Variants in MAP2K2 observed in about 807,000 individuals in gnomAD.
The protein encoded by MAP2K2 is mitogen-activated protein kinase kinase 2.
MAP2K2 carries 24 observed loss-of-function variants against 43.7 expected under a neutral mutation model. That is an observed-to-expected ratio of 0.55 (90% confidence interval 0.40 to 0.77). The LOEUF is 0.77. Among genes scored for constraint, MAP2K2 ranks in the 30% least tolerant of loss-of-function variants. The pLI is 0.00. For synonymous variants in MAP2K2, 244 were observed against 239.7 expected (o/e 1.02, Z -0.17); for missense variants, 470 against 566.8 (o/e 0.83, Z 1.73).
intron 1 of MAP2K2, among the ~76,000 whole-genome samples, chr19:4,121,872 C>A: frequency 9.1e-6 from 1 of 109,884 alleles, no homozygotes; most frequent in Non-Finnish European, 1.9e-5. Context: ...GTCTCCCACC[C>A]CATCGTGACC....
At chr19:4,112,644 C>A (rs952021467) in intron 2 of MAP2K2, among the ~76,000 whole-genome samples, 1 of 151,918 alleles carries the variant, frequency 6.6e-6, no homozygotes, top group African/African-American at 2.4e-5. Flanking sequence ...TTGACCGCAG[C>A]CCTGGCGCTG....
rs111994196 is a variant in MAP2K2, at chr19:4,095,266, C to T, written c.1046+122G>A. On this transcript the variant is annotated intron_variant, in intron 9 of 10. Transcript: ENST00000262948. ...AATCTGGCTTCCCGTTGGGCTGAGT[C>T]CTGCCTAACGCTGCACTGGGATTCT... 7.7e-5 allele frequency: 65 copies of T among 842,574 alleles called. 2 individuals are homozygous for T. The African/African-American group carries it at 7.7e-4, about 10-fold the overall frequency. 52.2% of individuals were successfully genotyped at this position (842,574 alleles called of 1,614,324 possible).
At chr19:4,110,314 CAA>C (rs1305585994) in intron 3 of MAP2K2, among the ~76,000 whole-genome samples, 193 bp downstream of exon 3, 1 of 151,934 alleles carries the variant, frequency 6.6e-6, no homozygotes, top group Non-Finnish European at 1.5e-5. Context: ...CTCAAAAAAA[CAA>C]AAAGAAAACA....
chr19:4,102,321 A>G, intron 4 of MAP2K2, 55 bp downstream of exon 4: 1 of 1,444,388 alleles, frequency 6.9e-7, no homozygotes, highest in Non-Finnish European at 9.5e-7. Context: ...GGCCGTGTGG[A>G]AGAGGTCCGT....
In MAP2K2 at chr19:4,100,891, G is replaced by A. The variant is rs56120956; in HGVS notation, c.705+128C>T. 0.017 allele frequency: 18,225 copies of A among 1,103,172 alleles called. 212 individuals carry two copies. The highest frequency in any genetic ancestry group is 0.024 in the Middle Eastern group (82 of 3,428). The allele number at this position is 1,103,172 out of a possible 1,614,324, so 68.3% of individuals were successfully genotyped here. A position where few individuals can be genotyped will look rare whatever the true frequency, so the allele number is the denominator to read the frequency against. ...GGAGAGCTGCGCAGGAGAACTGGGA[G>A]GGACAGCTGCGCAGGAGACATGGGG... On this transcript the variant is annotated intron_variant, in intron 6 of 10. Coordinates refer to ENST00000262948, the MANE Select transcript of MAP2K2 (RefSeq NM_030662.4).
chr19:4,090,417 C>A lies in MAP2K2; in HGVS notation c.*181G>T. The stretch of plus-strand genomic sequence containing the variant: ...TCGCCCGTCCCCAGAGGCACCCCGG[C>A]CAGGACGGGCAGGAGAGGAGACCCC... On this transcript the variant is annotated 3_prime_UTR_variant, in exon 11 of 11. Transcript: ENST00000262948. 1.5e-6 allele frequency: 1 copy of A among 646,590 alleles called. No individual in the cohort carries two copies. The highest frequency in any genetic ancestry group is 2.8e-6 in the Non-Finnish European group (1 of 356,906). 40.1% of individuals were successfully genotyped at this position (646,590 alleles called of 1,614,324 possible). A position where few individuals can be genotyped will look rare whatever the true frequency, so the allele number is the denominator to read the frequency against.
chr19:4,105,765 C>T (rs2041078293), intron 3 of MAP2K2, among the ~76,000 whole-genome samples: 1 of 152,068 alleles, frequency 6.6e-6, no homozygotes, highest in Non-Finnish European at 1.5e-5. Context: ...CCTCCACCTC[C>T]TTGGTTCAGG....
At chr19:4,114,529 G>A (rs1362550301) in intron 2 of MAP2K2, among the ~76,000 whole-genome samples, 1 of 152,234 alleles carries the variant, frequency 6.6e-6, no homozygotes, top group East Asian at 1.9e-4. Flanking sequence ...CCCCACACGC[G>A]TAACAAGCAG....
Position 4,097,363 on chromosome 19 carries a change from G to A in MAP2K2, c.920-20C>T. On this transcript the variant is annotated intron_variant, in intron 7 of 10. Transcript: ENST00000262948. ...CGTGACCTGCACAGGGAGAGAGATG[G>A]AGGTGAGATGGGCCGATGGCCACCT... The A allele has an allele frequency of 1.2e-6, 2 of 1,604,614 alleles. No individual in the cohort carries two copies. Among genetic ancestry groups the A allele is most frequent in the Non-Finnish European group, 1.7e-6 (2 of 1,172,410 alleles).
chr19:4,090,813 A>C, intron 10 of MAP2K2, 105 bp from the exon 11 acceptor site: 1 of 773,772 alleles, frequency 1.3e-6, no homozygotes. Flanking sequence ...CAGAAAGCAA[A>C]AAACAGAGGA....
At chr19:4,095,612 G>C (rs138113591) in intron 8 of MAP2K2, among the ~76,000 whole-genome samples, 163 bp from the exon 9 acceptor site, 1 of 152,194 alleles carries the variant, frequency 6.6e-6, no homozygotes, top group African/African-American at 2.4e-5. Context: ...GCCTTCTCCC[G>C]AAAGCTCTCG....
chr19:4,090,578 C>G lies in MAP2K2; in HGVS notation c.*20G>C. ...GACGGTGGGCAGGTCACCAGCGGGACGCAGGGAGCCCGGCCACTGTCACAC... is the reference window on the plus strand; with the variant it reads ...GACGGTGGGCAGGTCACCAGCGGGAGGCAGGGAGCCCGGCCACTGTCACAC... On this transcript the variant is annotated 3_prime_UTR_variant, in exon 11 of 11. Coordinates refer to ENST00000262948, the MANE Select transcript of MAP2K2 (RefSeq NM_030662.4). 1 of 1,541,490 alleles carries G rather than the reference C, an allele frequency of 6.5e-7. No homozygotes were observed. Among genetic ancestry groups the G allele is most frequent in the Non-Finnish European group, 8.8e-7 (1 of 1,139,822 alleles).
chr19:4,114,884 T>C (rs572848544), intron 2 of MAP2K2, among the ~76,000 whole-genome samples: 126 of 152,222 alleles, frequency 8.3e-4, no homozygotes, highest in Admixed American at 1.3e-3. Context: ...GAGCCGAGAT[T>C]GTGCCACTGC....
intron 1 of MAP2K2, among the ~76,000 whole-genome samples, chr19:4,123,121 G>A (rs2041322160): frequency 6.6e-6 from 1 of 151,140 alleles, no homozygotes. Flanking sequence ...TTCCTCTTAG[G>A]AACTCTTCAC....
In MAP2K2 at chr19:4,095,347, T is replaced by A. The variant is rs2040902226; in HGVS notation, c.1046+41A>T. Reference sequence around the variant, plus strand: ...CAGGACCCGGAAGGAGTGGCACATCTGGGTCCCGGCCAGGGGTGTGGGCAG... The same window carrying A: ...CAGGACCCGGAAGGAGTGGCACATCAGGGTCCCGGCCAGGGGTGTGGGCAG... On this transcript the variant is annotated intron_variant, in intron 9 of 10. Coordinates refer to ENST00000262948, the MANE Select transcript of MAP2K2 (RefSeq NM_030662.4). 3 of 1,539,774 alleles carry A rather than the reference T, an allele frequency of 1.9e-6. No individual in the cohort carries two copies. In the South Asian group the frequency reaches 3.6e-5, roughly 18 times the overall value.
At chr19:4,097,664 G>A (rs1352796683) in intron 7 of MAP2K2, among the ~76,000 whole-genome samples, 1 of 152,194 alleles carries the variant, frequency 6.6e-6, no homozygotes, top group East Asian at 1.9e-4. Flanking sequence ...TCTCTGGAGG[G>A]CAGGGGGAGG....
At chr19:4,117,926 GTCTTTTTCTTT>G (rs1239545448) in intron 1 of MAP2K2, among the ~76,000 whole-genome samples, 2 of 151,950 alleles carry the variant, frequency 1.3e-5, no homozygotes, top group Non-Finnish European at 2.9e-5. Context: ...GGAAGCCTCC[GTCTTTTTCTTT>G]TCTTTTTCTT....
At position 4,101,151 on chromosome 19, in the gene MAP2K2, C is replaced by T. The variant is rs369262004; in HGVS notation, c.581-8G>A. On this transcript the variant is annotated splice_region_variant and splice_polypyrimidine_tract_variant and intron_variant, in intron 5 of 10. Transcript: ENST00000262948. This position sits in a 1 kb window ranked among gnomAD's most constrained non-coding sequence, Gnocchi z 6.3. ...TGTTGGAGGGCTTCACATCTGGAGG[C>T]GGCAGGCTGCGGGTGAGGGGCGCCC... 1.0e-4 allele frequency: 154 copies of T among 1,510,584 alleles called. No homozygotes were observed. The highest frequency in any genetic ancestry group is 3.0e-4 in the East Asian group (11 of 36,656). 93.6% of individuals were successfully genotyped at this position (1,510,584 alleles called of 1,614,324 possible).
Position 4,115,661 on chromosome 19 carries a change from G to T in MAP2K2, c.303+1758C>A, listed in dbSNP as rs1034476931. On this transcript the variant is annotated intron_variant, in intron 2 of 10. Coordinates refer to ENST00000262948, the MANE Select transcript of MAP2K2 (RefSeq NM_030662.4). The surrounding 1 kb of genome is among the most constrained non-coding windows in gnomAD (Gnocchi z 4.1). ...GAGGGCAGCACTCTAGAGGCCAGAA[G>T]ACAGAGCTGCAGAGCTAAATCCCCG... 6.6e-6 allele frequency among the ~76,000 whole-genome samples: 1 copy of T among 152,196 alleles called. No homozygotes were observed.
Sources: gnomAD v4.1 joint callset for allele counts (sites outside exome capture counted in the v4.1 genomes callset) on GRCh38, gnomAD v4.1.1 for gene constraint, Gnocchi (gnomAD v3.1) non-coding constraint, MANE v1.5 for transcripts, NCBI Gene and HGNC (gene_info 2026-07-23, HGNC 2026-07-21) for gene names.